The following CYBC1 variants were observed in gnomAD, a reference collection of about 807,000 sequenced individuals.
CYBC1 encodes cytochrome b-245 chaperone 1, also known as essential for reactive oxygen species protein.
CYBC1 carries 22 observed loss-of-function variants against 21.7 expected under a neutral mutation model. That is an observed-to-expected ratio of 1.02 (90% CI 0.73 to 1.45). CYBC1 has a LOEUF of 1.45. Ranked by LOEUF, CYBC1 falls within the 40% of genes most tolerant of loss-of-function variation. The probability of loss-of-function intolerance (pLI) is 0.00; values close to 1 mark genes in which losing one functional copy is unlikely to be tolerated. For synonymous variants in CYBC1, 112 were observed against 98.7 expected (o/e 1.13, Z -0.80); for missense variants, 237 against 242.1 (o/e 0.98, Z 0.14).
intron 2 of CYBC1, chr17:82,448,087 A>C (rs1392568399): frequency 1.7e-5 from 4 of 238,624 alleles, no homozygotes; most frequent in Non-Finnish European, 2.5e-5. Flanking sequence ...CGTGTCATGC[A>C]AAACACACAG....
At chr17:82,449,052 A>C (rs908464748) in intron 2 of CYBC1, 118 bp downstream of exon 2, 3 of 806,284 alleles carry the variant, frequency 3.7e-6, no homozygotes, top group Non-Finnish European at 5.9e-6. Context: ...AAGAAACAAA[A>C]TAGCCATTAG....
rs1445566421 is a variant in CYBC1, at chr17:82,443,163, G to A, written c.*841C>T. The A allele has an allele frequency of 1.2e-5, 3 of 247,474 alleles. No homozygotes were observed. The highest frequency in any genetic ancestry group is 1.0e-4 in the East Asian group (1 of 9,952). 15.3% of individuals were successfully genotyped at this position (247,474 alleles called of 1,614,324 possible). A position where few individuals can be genotyped will look rare whatever the true frequency, so the allele number is the denominator to read the frequency against. On this transcript the variant is annotated 3_prime_UTR_variant, in exon 7 of 7. Transcript: ENST00000306645. The surrounding 1 kb of genome is among the most constrained non-coding windows in gnomAD (Gnocchi z 6.7). Reference sequence around the variant, plus strand: ...TGGCCTCAAGCAATCCTCCCACCTCGGCCTCCGAAAGTGCTGGGATTACTG... The same window carrying A: ...TGGCCTCAAGCAATCCTCCCACCTCAGCCTCCGAAAGTGCTGGGATTACTG...
rs1169809150 is a variant in CYBC1, at chr17:82,443,656, T to C, written c.*348A>G. ...AGAAAGGCAGGCCCAGGCCTCACGA[T>C]GGAGAAAGTCTGGATGTCCTGGTCT... On this transcript the variant is annotated 3_prime_UTR_variant, in exon 7 of 7. Transcript: ENST00000306645. This position sits in a 1 kb window ranked among gnomAD's most constrained non-coding sequence, Gnocchi z 6.7. The C allele has an allele frequency of 2.6e-6, 2 of 760,008 alleles. No individual in the cohort carries two copies. Among genetic ancestry groups the C allele is most frequent in the Middle Eastern group, 2.3e-4 (1 of 4,380 alleles). 47.1% of individuals were successfully genotyped at this position (760,008 alleles called of 1,614,324 possible). A position where few individuals can be genotyped will look rare whatever the true frequency, so the allele number is the denominator to read the frequency against.
In CYBC1 at chr17:82,443,010, CA is replaced by C. The variant is rs2054059511; in HGVS notation, c.*993del. The C allele has an allele frequency of 5.0e-6, 1 of 200,550 alleles. No individual in the cohort carries two copies. The highest frequency in any genetic ancestry group is 5.2e-5 in the Admixed American group (1 of 19,148). 12.4% of individuals were successfully genotyped at this position (200,550 alleles called of 1,614,324 possible). On this transcript the variant is annotated 3_prime_UTR_variant, in exon 7 of 7. Transcript: ENST00000306645. The surrounding 1 kb of genome is among the most constrained non-coding windows in gnomAD (Gnocchi z 6.7). Reference sequence around the variant, plus strand: ...AGCCGAGAGCCCAGCCCCCTCCTGCCAGGTCTTCCCAGGTTCGAGAGAGGCT... The same window carrying C: ...AGCCGAGAGCCCAGCCCCCTCCTGCCGGTCTTCCCAGGTTCGAGAGAGGCT...
chr17:82,448,980 G>A, intron 2 of CYBC1, 190 bp downstream of exon 2: 1 of 570,398 alleles, frequency 1.8e-6, no homozygotes, highest in South Asian at 2.4e-5. Flanking sequence ...ATTAAAAGGG[G>A]ACAAAACAGA....
intron 6 of CYBC1, 116 bp downstream of exon 6, chr17:82,444,331 T>G (rs1309264935): frequency 1.3e-6 from 2 of 1,482,452 alleles, no homozygotes; most frequent in Non-Finnish European, 1.8e-6. Flanking sequence ...GGCCCCTCTG[T>G]GTCCCGTCCA....
intron 4 of CYBC1, 74 bp from the exon 5 acceptor site, chr17:82,446,034 C>T (rs749036281): frequency 8.3e-7 from 1 of 1,208,010 alleles, no homozygotes; most frequent in African/African-American, 1.5e-5. Flanking sequence ...GCCTCACCCC[C>T]ACCCTCACCA....
chr17:82,446,816 C>CAGCACAGGA, intron 3 of CYBC1, 120 bp from the exon 4 acceptor site: 1 of 993,642 alleles, frequency 1.0e-6, no homozygotes, highest in Non-Finnish European at 1.5e-6. Flanking sequence ...ACCCCCTGGG[C>CAGCACAGGA]AGCTTCCTGT....
rs535426473 is a variant in CYBC1, at chr17:82,445,669, C to G, written c.298+195G>C. The G allele has an allele frequency of 6.8e-5, 37 of 545,384 alleles. No individual in the cohort carries two copies. The Admixed American group carries it at 9.3e-4, about 14-fold the overall frequency. The allele number at this position is 545,384 out of a possible 1,614,324, so 33.8% of individuals were successfully genotyped here. On this transcript the variant is annotated intron_variant, in intron 5 of 6. Transcript: ENST00000306645. Reference sequence around the variant, plus strand: ...GAACCCAGGAGGCTCTAGGACCCTGCTGAGCAGGTGAGCAGGTGGGGCGTA... The same window carrying G: ...GAACCCAGGAGGCTCTAGGACCCTGGTGAGCAGGTGAGCAGGTGGGGCGTA...
intron 2 of CYBC1, chr17:82,448,948 T>C (rs928691528): frequency 3.6e-6 from 2 of 550,250 alleles, no homozygotes; most frequent in Non-Finnish European, 6.4e-6. Context: ...ATAGAGTATA[T>C]TAAATACGCT....
intron 1 of CYBC1, 176 bp from the exon 2 acceptor site, chr17:82,449,468 G>C: frequency 2.3e-6 from 1 of 440,570 alleles, no homozygotes; most frequent in Non-Finnish European, 4.0e-6. Context: ...GGATCCCCCA[G>C]AGACCCCGTT....
At chr17:82,448,305 C>T (rs573418712) in intron 2 of CYBC1, 3,292 of 156,390 alleles carry the variant, frequency 0.021, 20 homozygotes, top group Admixed American at 0.042. Context: ...ACATGGGAAC[C>T]CACGATCACC....
intron 1 of CYBC1, chr17:82,449,618 C>A: frequency 4.2e-6 from 1 of 238,478 alleles, no homozygotes; most frequent in South Asian, 1.5e-4. Context: ...GGCCGCTAGC[C>A]CCCAGCAGCC....
Position 82,442,674 on chromosome 17 carries a change from G to A in CYBC1, c.*1330C>T, listed in dbSNP as rs2054036036. 7.5e-7 allele frequency: 1 copy of A among 1,334,664 alleles called. No homozygotes were observed. 82.7% of individuals were successfully genotyped at this position (1,334,664 alleles called of 1,614,324 possible). A position where few individuals can be genotyped will look rare whatever the true frequency, so the allele number is the denominator to read the frequency against. On this transcript the variant is annotated 3_prime_UTR_variant, in exon 7 of 7. Transcript: ENST00000306645. This position sits in a 1 kb window ranked among gnomAD's most constrained non-coding sequence, Gnocchi z 6.8. ...GTGAAGGGTTATTTATGGTTATGATGACCCTGTCCTGCAACGAGGGACTGG... is the reference window on the plus strand; with the variant it reads ...GTGAAGGGTTATTTATGGTTATGATAACCCTGTCCTGCAACGAGGGACTGG...
At chr17:82,445,202 T>A (rs2054206236) in intron 5 of CYBC1, 1 of 154,252 alleles carries the variant, frequency 6.5e-6, no homozygotes, top group South Asian at 2.0e-4. Context: ...CTGTCCCCTC[T>A]GGGGCTATGC....
At chr17:82,444,760 A>C (rs2054180558) in intron 5 of CYBC1, 169 bp from the exon 6 acceptor site, 1 of 821,070 alleles carries the variant, frequency 1.2e-6, no homozygotes. Context: ...GTGGCCCTGA[A>C]GGCAGTGCAG....
Position 82,442,711 on chromosome 17 carries a change from G to A in CYBC1, c.*1293C>T, listed in dbSNP as rs2054038121. ...CAACGAGGGACTGGCAGCCACTACT[G>A]AGGAGGAGGGTCCCATCTCTCTCCT... is the stretch of plus-strand genomic sequence containing the variant. On this transcript the variant is annotated 3_prime_UTR_variant, in exon 7 of 7. Transcript: ENST00000306645. The surrounding 1 kb of genome is among the most constrained non-coding windows in gnomAD (Gnocchi z 6.8). 2.1e-6 allele frequency: 2 copies of A among 967,800 alleles called. No individual in the cohort carries two copies. The highest frequency in any genetic ancestry group is 3.4e-5 in the South Asian group (2 of 59,500). 60.0% of individuals were successfully genotyped at this position (967,800 alleles called of 1,614,324 possible). A position where few individuals can be genotyped will look rare whatever the true frequency, so the allele number is the denominator to read the frequency against.
chr17:82,442,889 C>G lies in CYBC1; in HGVS notation c.*1115G>C. ...CAGGCCAGGCGCGCTCGGTGCACAC[C>G]GCACCTGGGAGGACCTGGGTACACT... On this transcript the variant is annotated 3_prime_UTR_variant, in exon 7 of 7. Coordinates refer to ENST00000306645, the MANE Select transcript of CYBC1 (RefSeq NM_001033046.4). The surrounding 1 kb of genome is among the most constrained non-coding windows in gnomAD (Gnocchi z 6.8). 1 of 324,382 alleles carries G rather than the reference C, an allele frequency of 3.1e-6. No individual in the cohort carries two copies. Among genetic ancestry groups the G allele is most frequent in the South Asian group, 6.7e-5 (1 of 14,898 alleles). 20.1% of individuals were successfully genotyped at this position (324,382 alleles called of 1,614,324 possible). A position where few individuals can be genotyped will look rare whatever the true frequency, so the allele number is the denominator to read the frequency against.
chr17:82,444,658 G>A (rs1409222082), intron 5 of CYBC1, 67 bp from the exon 6 acceptor site: 71 of 1,515,062 alleles, frequency 4.7e-5, no homozygotes, highest in South Asian at 4.1e-4. Flanking sequence ...TCGCACCAGC[G>A]CCACTGGCAT....
Sources: allele counts gnomAD v4.1 joint callset, GRCh38; gene constraint gnomAD v4.1.1; non-coding constraint Gnocchi (gnomAD v3.1); transcripts MANE v1.5; gene names NCBI Gene and HGNC (gene_info 2026-07-23, HGNC 2026-07-21).